ATAD1: variants seen among roughly 807,000 people sequenced by gnomAD.
The protein encoded by ATAD1 is ATPase family AAA domain containing 1.
A neutral mutation model predicts 42.7 loss-of-function variants in ATAD1; 18 were observed. The observed-to-expected ratio is 0.42, with a 90% CI of 0.29 to 0.63. The LOEUF is 0.63. Among genes scored for constraint, ATAD1 ranks in the 20% least tolerant of loss-of-function variants. ATAD1 has a pLI of 0.19. For synonymous variants in ATAD1, 132 were observed against 143.1 expected, an observed-to-expected ratio of 0.92 and a Z score of 0.55; for missense variants, 294 against 440.4, an observed-to-expected ratio of 0.67 and a Z score of 2.98.
chr10:87,770,934 T>C lies in ATAD1; in HGVS notation c.780+18A>G. 2 of 1,602,090 alleles carry C rather than the reference T, an allele frequency of 1.2e-6. No homozygotes were observed. Among genetic ancestry groups the C allele is most frequent in the Non-Finnish European group, 1.7e-6 (2 of 1,169,938 alleles). ...GGTGAGTATTTAACTCTTCATAATATCAATCAAGACCACCTACAGGCTGGT... is the reference window on the plus strand; with the variant it reads ...GGTGAGTATTTAACTCTTCATAATACCAATCAAGACCACCTACAGGCTGGT... On this transcript the variant is annotated intron_variant, in intron 7 of 9. Coordinates refer to ENST00000680024, the MANE Select transcript of ATAD1 (RefSeq NM_001321967.2).
intron 2 of ATAD1, among the ~76,000 whole-genome samples, chr10:87,809,337 C>G (rs994711347): frequency 1.3e-5 from 2 of 151,996 alleles, no homozygotes; most frequent in African/African-American, 4.8e-5. Context: ...TGTATTCTTG[C>G]AATAAAGTAA....
At chr10:87,761,299 C>T (rs555165163) in intron 8 of ATAD1, among the ~76,000 whole-genome samples, 9 of 152,208 alleles carry the variant, frequency 5.9e-5, no homozygotes, top group Non-Finnish European at 1.0e-4. Context: ...AGAGAGCATT[C>T]GTATTTTGCA....
intron 2 of ATAD1, among the ~76,000 whole-genome samples, chr10:87,795,316 T>C (rs1014073125): frequency 6.6e-6 from 1 of 152,076 alleles, no homozygotes; most frequent in Non-Finnish European, 1.5e-5. Flanking sequence ...GTTATACAAT[T>C]GCCTAGTTTT....
upstream of ATAD1, among the ~76,000 whole-genome samples, chr10:87,821,374 A>G (rs12770433): frequency 0.26 from 39,432 of 151,816 alleles, 5,497 homozygotes; most frequent in Non-Finnish European, 0.31. Context: ...CTAAAAAAAA[A>G]TACAAAAATT....
chr10:87,765,616 C>T (rs983421421), intron 8 of ATAD1, among the ~76,000 whole-genome samples: 1 of 152,118 alleles, frequency 6.6e-6, no homozygotes, highest in Non-Finnish European at 1.5e-5. Flanking sequence ...AAAAGGAGCA[C>T]TGCAATAGAA....
intron 2 of ATAD1, among the ~76,000 whole-genome samples, chr10:87,806,865 G>A (rs1030982487): frequency 6.6e-6 from 1 of 152,114 alleles, no homozygotes; most frequent in Non-Finnish European, 1.5e-5. Context: ...AATCAAAGGA[G>A]ACAACTTTAG....
intron 1 of ATAD1, among the ~76,000 whole-genome samples, chr10:87,825,934 AG>A (rs1241412330): frequency 6.6e-6 from 1 of 152,140 alleles, no homozygotes; most frequent in Non-Finnish European, 1.5e-5. Flanking sequence ...AAGTTGAGGG[AG>A]CTTTACTGAG....
At chr10:87,776,182 T>C in intron 6 of ATAD1, 139 bp downstream of exon 6, 1 of 631,652 alleles carries the variant, frequency 1.6e-6, no homozygotes, top group South Asian at 2.0e-5. Context: ...CCATATTCTT[T>C]TGGATCCTTA....
intron 6 of ATAD1, among the ~76,000 whole-genome samples, chr10:87,772,161 C>T (rs973835547): frequency 1.3e-5 from 2 of 151,980 alleles, no homozygotes; most frequent in Non-Finnish European, 2.9e-5. Flanking sequence ...TTAAGTGGTC[C>T]TAAAATCAAA....
At chr10:87,802,981 T>G (rs1385066908) in intron 2 of ATAD1, among the ~76,000 whole-genome samples, 4 of 152,222 alleles carry the variant, frequency 2.6e-5, no homozygotes, top group Non-Finnish European at 5.9e-5. Flanking sequence ...AAGCTGTGCT[T>G]TCTTAATGCC....
At position 87,758,251 on chromosome 10, in the gene ATAD1, T is replaced by G. The variant is rs147147137; in HGVS notation, c.832-1329A>C. On this transcript the variant is annotated intron_variant, in intron 8 of 9. Coordinates refer to ENST00000680024, the MANE Select transcript of ATAD1 (RefSeq NM_001321967.2). ...ATATTATTAACTTAGACTTTATGTATGTATGTCAAAATACATAGGTACCAC... is the reference window on the plus strand; with the variant it reads ...ATATTATTAACTTAGACTTTATGTAGGTATGTCAAAATACATAGGTACCAC... Among the ~76,000 whole-genome samples, 11 of 152,208 alleles carry G rather than the reference T, an allele frequency of 7.2e-5. No individual in the cohort carries two copies. In the East Asian group the frequency reaches 1.5e-3, roughly 21 times the overall value.
intron 2 of ATAD1, among the ~76,000 whole-genome samples, chr10:87,799,401 C>T (rs1430473909): frequency 1.3e-5 from 2 of 152,154 alleles, no homozygotes; most frequent in African/African-American, 4.8e-5. Context: ...AATCTTGTGG[C>T]TTTAGGCAGT....
At chr10:87,765,082 C>A (rs2131785491) in intron 8 of ATAD1, among the ~76,000 whole-genome samples, 1 of 151,952 alleles carries the variant, frequency 6.6e-6, no homozygotes, top group East Asian at 1.9e-4. Flanking sequence ...GAATCCTTTT[C>A]TTTTAGAGAT....
intron 8 of ATAD1, among the ~76,000 whole-genome samples, chr10:87,763,766 T>C (rs11818430): frequency 0.29 from 44,558 of 151,832 alleles, 6,752 homozygotes; most frequent in Middle Eastern, 0.31. Context: ...ATAAGATATC[T>C]GATCTCTTTA....
chr10:87,793,710 T>C (rs1315831771), intron 2 of ATAD1, among the ~76,000 whole-genome samples: 1 of 152,142 alleles, frequency 6.6e-6, no homozygotes, highest in Non-Finnish European at 1.5e-5. Context: ...AATCTATACA[T>C]AACAAATTCA....
At chr10:87,806,718 A>C (rs1856942030) in intron 2 of ATAD1, among the ~76,000 whole-genome samples, 1 of 152,160 alleles carries the variant, frequency 6.6e-6, no homozygotes, top group Non-Finnish European at 1.5e-5. Context: ...ACTCTGGCAT[A>C]ATAATTATTT....
intron 2 of ATAD1, among the ~76,000 whole-genome samples, chr10:87,813,276 C>A (rs1451522511): frequency 6.6e-6 from 1 of 151,728 alleles, no homozygotes; most frequent in Non-Finnish European, 1.5e-5. Context: ...CATACTTAAA[C>A]TGACTTTCAT....
intron 2 of ATAD1, among the ~76,000 whole-genome samples, chr10:87,799,688 T>C (rs1261256793): frequency 2.0e-5 from 3 of 152,114 alleles, no homozygotes; most frequent in African/African-American, 4.8e-5. Context: ...ATTAGGTAAA[T>C]GCAATGGGAT....
chr10:87,817,564 C>T (rs1400308551), intron 1 of ATAD1, among the ~76,000 whole-genome samples: 3 of 152,210 alleles, frequency 2.0e-5, no homozygotes, highest in Admixed American at 6.5e-5. Flanking sequence ...TGTAGTATTT[C>T]TCTCCTAATT....
Sources: gnomAD v4.1 joint callset for allele counts (sites outside exome capture counted in the v4.1 genomes callset) on GRCh38, gnomAD v4.1.1 for gene constraint, MANE v1.5 for transcripts, NCBI Gene and HGNC (gene_info 2026-07-23, HGNC 2026-07-21) for gene names.